Variants in CSMD1 observed in about 807,000 individuals in gnomAD.
The protein encoded by CSMD1 is CUB and Sushi multiple domains 1, also known as CUB and sushi domain-containing protein 1.
CSMD1 carries 213 observed loss-of-function variants against 417.5 expected under a neutral mutation model. The observed-to-expected ratio is 0.51, with a 90% CI of 0.46 to 0.57. CSMD1 has a LOEUF of 0.57. Among genes scored for constraint, CSMD1 ranks in the 20% least tolerant of loss-of-function variants. The pLI is 0.00. For synonymous variants in CSMD1, 2,862 were observed against 1,736.8 expected (o/e 1.65, Z -16.11); for missense variants, 6,923 against 4,529.7 (o/e 1.53, Z -15.17).
At chr8:3,193,030 G>A (rs188246249) in intron 33 of CSMD1, among the ~76,000 whole-genome samples, 1 of 152,186 alleles carries the variant, frequency 6.6e-6, no homozygotes, top group Non-Finnish European at 1.5e-5. Flanking sequence ...TACTTACACT[G>A]GATTGCTTAC....
At chr8:4,961,618 T>A (rs987677481) in intron 1 of CSMD1, among the ~76,000 whole-genome samples, 1 of 152,198 alleles carries the variant, frequency 6.6e-6, no homozygotes, top group South Asian at 2.1e-4. Context: ...GTTTTGTCGC[T>A]CAAACTTTTG....
At chr8:3,098,379 G>T (rs1279474412) in intron 46 of CSMD1, among the ~76,000 whole-genome samples, 2 of 152,120 alleles carry the variant, frequency 1.3e-5, no homozygotes. Context: ...ACTGCCTTTT[G>T]AAAAGTAATT....
chr8:3,601,993 G>C (rs1038277075), intron 8 of CSMD1, among the ~76,000 whole-genome samples: 1 of 152,082 alleles, frequency 6.6e-6, no homozygotes, highest in Non-Finnish European at 1.5e-5. Context: ...ATGTGGGTAG[G>C]GGAGGATGGG....
At chr8:4,166,585 T>G (rs1012043128) in intron 3 of CSMD1, among the ~76,000 whole-genome samples, 1 of 152,124 alleles carries the variant, frequency 6.6e-6, no homozygotes, top group Non-Finnish European at 1.5e-5. Context: ...AATGATATAA[T>G]GGACTTTGGG....
intron 40 of CSMD1, among the ~76,000 whole-genome samples, chr8:3,146,954 T>G (rs1015867605): frequency 6.6e-6 from 1 of 152,176 alleles, no homozygotes; most frequent in Non-Finnish European, 1.5e-5. Context: ...GGAAGATTCA[T>G]AATACCCAAT....
At chr8:4,214,924 C>T (rs764050319) in intron 3 of CSMD1, among the ~76,000 whole-genome samples, 6 of 150,014 alleles carry the variant, frequency 4.0e-5, no homozygotes, top group Admixed American at 6.7e-5. Context: ...TTGTTTTCAG[C>T]TCACTTTTAA....
At chr8:3,017,216 G>A (rs989967634) in intron 52 of CSMD1, among the ~76,000 whole-genome samples, 3 of 152,220 alleles carry the variant, frequency 2.0e-5, no homozygotes, top group African/African-American at 7.2e-5. Context: ...CTCCCTCCCA[G>A]TGGAACTGGG....
intron 3 of CSMD1, among the ~76,000 whole-genome samples, chr8:4,311,905 C>G (rs552200834): frequency 6.6e-6 from 1 of 151,818 alleles, no homozygotes; most frequent in Non-Finnish European, 1.5e-5. Context: ...GCAACGAACC[C>G]CCATGACACT....
At chr8:3,407,554 G>C (rs930689366) in intron 14 of CSMD1, among the ~76,000 whole-genome samples, 5 of 151,964 alleles carry the variant, frequency 3.3e-5, no homozygotes, top group Admixed American at 2.0e-4. Context: ...TGGAAGAATA[G>C]ATGGAATAAT....
intron 1 of CSMD1, among the ~76,000 whole-genome samples, chr8:4,883,087 G>A (rs1416596559): frequency 6.6e-6 from 1 of 152,002 alleles, no homozygotes; most frequent in Non-Finnish European, 1.5e-5. Flanking sequence ...GAGAAAATCT[G>A]GAGTCCTCTA....
At chr8:4,234,469 T>A (rs1452432249) in intron 3 of CSMD1, among the ~76,000 whole-genome samples, 4 of 152,142 alleles carry the variant, frequency 2.6e-5, no homozygotes, top group African/African-American at 7.2e-5. Flanking sequence ...GTGTGGCCAT[T>A]TGAGACCTGC....
At chr8:3,864,769 G>T (rs56083837) in intron 5 of CSMD1, among the ~76,000 whole-genome samples, 1 of 152,056 alleles carries the variant, frequency 6.6e-6, no homozygotes, top group East Asian at 1.9e-4. Flanking sequence ...GCACCATCGT[G>T]GTTAACTAGA....
rs536178996 is a variant in CSMD1, at chr8:2,973,609, A to G, written c.8741-310T>C. Among the ~76,000 whole-genome samples the G allele has an allele frequency of 1.1e-4, 16 of 152,174 alleles. No homozygotes were observed. The East Asian group carries it at 2.3e-3, about 22-fold the overall frequency. On this transcript the variant is annotated intron_variant, in intron 56 of 69. Coordinates refer to ENST00000635120, the MANE Select transcript of CSMD1 (RefSeq NM_033225.6). Reference sequence around the variant, plus strand: ...GTAAATGCATCACGTCTTCACTGAAAAGGTAGGTAGAGAGCAAAAGGAAAA... The same window carrying G: ...GTAAATGCATCACGTCTTCACTGAAGAGGTAGGTAGAGAGCAAAAGGAAAA...
At chr8:3,321,308 G>A (rs1196278241) in intron 23 of CSMD1, among the ~76,000 whole-genome samples, 3 of 152,096 alleles carry the variant, frequency 2.0e-5, no homozygotes, top group Non-Finnish European at 2.9e-5. Context: ...ATCTGGTGAT[G>A]CCCTCTGCAC....
chr8:4,350,176 T>C (rs1801009274), intron 3 of CSMD1, among the ~76,000 whole-genome samples: 1 of 152,126 alleles, frequency 6.6e-6, no homozygotes, highest in African/African-American at 2.4e-5. Context: ...GTTACAAGCC[T>C]TCTCTTCTTT....
intron 30 of CSMD1, among the ~76,000 whole-genome samples, chr8:3,209,408 C>T (rs1198515772): frequency 6.6e-6 from 1 of 151,972 alleles, no homozygotes; most frequent in Non-Finnish European, 1.5e-5. Flanking sequence ...GTTCCATCTC[C>T]CGGGTTCATG....
Position 4,010,495 on chromosome 8 carries a change from C to T in CSMD1, c.611-12385G>A, listed in dbSNP as rs186353074. On this transcript the variant is annotated intron_variant, in intron 4 of 69. Coordinates refer to ENST00000635120, the MANE Select transcript of CSMD1 (RefSeq NM_033225.6). ...TAATTCTCCCCTCTCTTCCAACAGC[C>T]CAACTCTACCTCAGCCATGCCATCA... is the stretch of plus-strand genomic sequence containing the variant. Among the ~76,000 whole-genome samples, 19 of 152,214 alleles carry T rather than the reference C, an allele frequency of 1.2e-4. No homozygotes were observed. In the East Asian group the frequency reaches 2.1e-3, roughly 17 times the overall value.
At chr8:4,190,445 A>G (rs932615466) in intron 3 of CSMD1, among the ~76,000 whole-genome samples, 5 of 152,074 alleles carry the variant, frequency 3.3e-5, no homozygotes, top group Non-Finnish European at 1.5e-5. Context: ...AATTGCTTAG[A>G]ATAATCAGAG....
chr8:4,679,060 G>C (rs564970083), intron 1 of CSMD1, among the ~76,000 whole-genome samples: 2 of 152,154 alleles, frequency 1.3e-5, no homozygotes, highest in African/African-American at 4.8e-5. Context: ...AGTGAGGTTC[G>C]TGACTCTATT....
Sources: allele counts gnomAD v4.1 joint callset (sites outside exome capture counted in the v4.1 genomes callset), GRCh38; gene constraint gnomAD v4.1.1; transcripts MANE v1.5; gene names NCBI Gene and HGNC (gene_info 2026-07-23, HGNC 2026-07-21).